ELP4: variants seen among roughly 807,000 people sequenced by gnomAD.
ELP4 encodes elongator acetyltransferase complex subunit 4, also known as elongator complex protein 4.
ELP4 carries 51 observed loss-of-function variants against 48.9 expected under a neutral mutation model. The ratio of observed to expected loss-of-function variants is 1.04; its 90% CI spans 0.83 to 1.32. ELP4 has a LOEUF of 1.32. Among genes scored for constraint, ELP4 ranks in the 40% most tolerant of loss-of-function variants. ELP4 has a pLI of 0.00. For missense variants in ELP4, 519 were observed against 514.6 expected, an observed-to-expected ratio of 1.01 and a Z score of -0.08; for synonymous variants, 210 against 189.2, an observed-to-expected ratio of 1.11 and a Z score of -0.90.
At chr11:31,623,698 C>A (rs1472196156) in intron 5 of ELP4, among the ~76,000 whole-genome samples, 5 of 150,448 alleles carry the variant, frequency 3.3e-5, no homozygotes, top group African/African-American at 9.7e-5. Flanking sequence ...GGCTTTGCAT[C>A]TTCCTTTTTA....
intron 3 of ELP4, among the ~76,000 whole-genome samples, chr11:31,589,827 C>CA (rs1343511593): frequency 6.6e-6 from 1 of 152,038 alleles, no homozygotes; most frequent in Non-Finnish European, 1.5e-5. Context: ...TACACTTGTC[C>CA]ACAAAAAACA....
intron 9 of ELP4, among the ~76,000 whole-genome samples, chr11:31,746,655 A>G (rs909350119): frequency 3.9e-5 from 6 of 151,946 alleles, no homozygotes; most frequent in African/African-American, 1.5e-4. Flanking sequence ...ACCAAACACC[A>G]CATGTTCTCA....
intron 9 of ELP4, among the ~76,000 whole-genome samples, chr11:31,682,360 G>GT (rs1186532947): frequency 6.6e-6 from 1 of 152,202 alleles, no homozygotes; most frequent in Non-Finnish European, 1.5e-5. Context: ...TGCAGAAGCA[G>GT]TAAGTCTGGT....
intron 9 of ELP4, among the ~76,000 whole-genome samples, chr11:31,665,525 T>G (rs996784993): frequency 2.0e-5 from 3 of 152,094 alleles, no homozygotes; most frequent in African/African-American, 4.8e-5. Flanking sequence ...TTATGCTTTC[T>G]AAAATATTAT....
At chr11:31,751,376 T>G (rs1947717158) in intron 9 of ELP4, among the ~76,000 whole-genome samples, 2 of 152,196 alleles carry the variant, frequency 1.3e-5, no homozygotes, top group Non-Finnish European at 2.9e-5. Flanking sequence ...ATCAACCATG[T>G]GTCCTCTCCC....
intron 9 of ELP4, among the ~76,000 whole-genome samples, chr11:31,763,904 T>A (rs553187930): frequency 6.6e-6 from 1 of 152,272 alleles, no homozygotes; most frequent in Non-Finnish European, 1.5e-5. Context: ...ATTTTTTTTT[T>A]AAATTGGAAG....
intron 3 of ELP4, among the ~76,000 whole-genome samples, chr11:31,543,165 C>T (rs1309188779): frequency 1.3e-5 from 2 of 151,962 alleles, no homozygotes; most frequent in Non-Finnish European, 2.9e-5. Context: ...CTTAAGGGTC[C>T]CTAACATGTG....
chr11:31,557,940 A>G (rs1057054488), intron 3 of ELP4, among the ~76,000 whole-genome samples: 2 of 151,976 alleles, frequency 1.3e-5, no homozygotes, highest in Non-Finnish European at 2.9e-5. Flanking sequence ...CTATTTTAGC[A>G]CTATATATCT....
At chr11:31,760,152 C>T (rs1440236361) in intron 9 of ELP4, among the ~76,000 whole-genome samples, 1 of 152,170 alleles carries the variant, frequency 6.6e-6, no homozygotes, top group African/African-American at 2.4e-5. Flanking sequence ...CATAAACTCC[C>T]AACAAATTAC....
At chr11:31,527,931 T>A (rs149769746) in intron 2 of ELP4, among the ~76,000 whole-genome samples, 1 of 152,108 alleles carries the variant, frequency 6.6e-6, no homozygotes, top group Admixed American at 6.5e-5. Context: ...CCTCATACTT[T>A]GTGTTTATCA....
rs547685348 is a variant in ELP4 at position 31,544,081 on chromosome 11, C to T, written c.381+4298C>T. On this transcript the variant is annotated intron_variant, in intron 3 of 9. Transcript: ENST00000640961. Reference sequence around the variant, plus strand: ...CTCCCAGCGTGAGCGACGCAGAAGACGGGTGATTTCTGCATTTCCATCTGA... The same window carrying T: ...CTCCCAGCGTGAGCGACGCAGAAGATGGGTGATTTCTGCATTTCCATCTGA... 6.4e-3 allele frequency among the ~76,000 whole-genome samples: 979 copies of T among 152,298 alleles called. 7 individuals are homozygous for T. Among genetic ancestry groups the T allele is most frequent in the African/African-American group, 0.021 (891 of 41,566 alleles).
chr11:31,541,663 T>A (rs1026379736), intron 3 of ELP4, among the ~76,000 whole-genome samples: 1 of 152,236 alleles, frequency 6.6e-6, no homozygotes, highest in East Asian at 1.9e-4. Flanking sequence ...GTAGCTGATG[T>A]TAAAAATTTG....
In ELP4 at chr11:31,545,545, G is replaced by T. The variant is rs190213543; in HGVS notation, c.381+5762G>T. Among the ~76,000 whole-genome samples the T allele has an allele frequency of 2.5e-4, 38 of 152,278 alleles. No homozygotes were observed. The East Asian group carries it at 7.4e-3, about 29-fold the overall frequency. ...AAAGTGATGGGGAGAATGGAACCAAGTTGGAAAACACTCTGCAGGATATTA... is the reference window on the plus strand; with the variant it reads ...AAAGTGATGGGGAGAATGGAACCAATTTGGAAAACACTCTGCAGGATATTA... On this transcript the variant is annotated intron_variant, in intron 3 of 9. Coordinates refer to ENST00000640961, the MANE Select transcript of ELP4 (RefSeq NM_019040.5).
At chr11:31,537,757 G>C (rs1956524600) in intron 2 of ELP4, among the ~76,000 whole-genome samples, 1 of 152,064 alleles carries the variant, frequency 6.6e-6, no homozygotes, top group South Asian at 2.1e-4. Context: ...CCACCACCAT[G>C]AACCAATCAC....
intron 9 of ELP4, among the ~76,000 whole-genome samples, chr11:31,761,596 A>G (rs963060178): frequency 1.3e-5 from 2 of 152,248 alleles, no homozygotes; most frequent in African/African-American, 4.8e-5. Flanking sequence ...AGCATGGGCA[A>G]TAAAGGATAG....
Position 31,786,939 on chromosome 11 carries a change from C to T in ELP4, c.*3415C>T. 4.5e-6 allele frequency: 1 copy of T among 219,926 alleles called. No individual in the cohort carries two copies. Among genetic ancestry groups the T allele is most frequent in the Middle Eastern group, 1.4e-3 (1 of 708 alleles). The allele number at this position is 219,926 out of a possible 1,614,324, so 13.6% of individuals were successfully genotyped here. ...TCCTGGGATTCTACTGAAGTCTTCA[C>T]AAATAATCTCCATCCTGGAAGATGG... On this transcript the variant is annotated 3_prime_UTR_variant, in exon 10 of 10. Coordinates refer to ENST00000640961, the MANE Select transcript of ELP4 (RefSeq NM_019040.5).
intron 9 of ELP4, among the ~76,000 whole-genome samples, chr11:31,685,286 G>A (rs1474291105): frequency 3.9e-5 from 6 of 152,142 alleles, no homozygotes; most frequent in Non-Finnish European, 7.4e-5. Context: ...GGGAGGCTGA[G>A]GTTGCAGTGA....
At chr11:31,628,675 G>A (rs1467322170) in intron 6 of ELP4, among the ~76,000 whole-genome samples, 1 of 151,576 alleles carries the variant, frequency 6.6e-6, no homozygotes, top group Admixed American at 6.6e-5. Context: ...GATTAAACAG[G>A]GTTCAGGTAG....
intron 9 of ELP4, among the ~76,000 whole-genome samples, chr11:31,656,845 G>C (rs907000612): frequency 3.3e-5 from 5 of 152,016 alleles, no homozygotes; most frequent in African/African-American, 7.2e-5. Context: ...TTGGCTCCAA[G>C]AAAATTATAT....
Sources: allele counts gnomAD v4.1 joint callset (sites outside exome capture counted in the v4.1 genomes callset), GRCh38; gene constraint gnomAD v4.1.1; transcripts MANE v1.5; gene names NCBI Gene and HGNC (gene_info 2026-07-23, HGNC 2026-07-21).